Variants in LSM6 observed in about 807,000 individuals in gnomAD.
The protein encoded by LSM6 is U6 snRNA-associated Sm-like protein LSm6.
LSM6 carries 2 observed loss-of-function variants against 13.5 expected under a neutral mutation model. The ratio of observed to expected loss-of-function variants is 0.15; its 90% CI spans 0.06 to 0.47. LSM6 has a LOEUF of 0.47. LSM6 is among the 20% of genes least tolerant of loss of function. The pLI is 0.97. For synonymous variants in LSM6, 43 were observed against 34.9 expected, an observed-to-expected ratio of 1.23 and a Z score of -0.82; for missense variants, 58 against 96.4, an observed-to-expected ratio of 0.60 and a Z score of 1.67.
At chr4:146,186,888 C>T (rs1730361416) in intron 2 of LSM6, among the ~76,000 whole-genome samples, 1 of 152,176 alleles carries the variant, frequency 6.6e-6, no homozygotes, top group South Asian at 2.1e-4. Flanking sequence ...TAGGAAATGC[C>T]ACTGGAACCA....
intron 1 of LSM6, among the ~76,000 whole-genome samples, chr4:146,178,502 G>A (rs6537401): frequency 0.24 from 36,340 of 152,110 alleles, 5,311 homozygotes; most frequent in Middle Eastern, 0.35. Flanking sequence ...CTATCTGATC[G>A]CCTCCTCAGA....
chr4:146,183,005 G>A lies in LSM6; in HGVS notation c.84G>A (p.Val28=). 6.2e-7 allele frequency: 1 copy of A among 1,605,038 alleles called. No individual in the cohort carries two copies. The highest frequency in any genetic ancestry group is 2.2e-5 in the East Asian group (1 of 44,792). The change falls in exon 2 of 4, where the codon GTG becomes GTA. Residue 28 remains valine, a synonymous_variant. Transcript: ENST00000296581. ...RPVVVKLNSG[V]DYRGVLACLD... ...TTGTGGTAAAATTAAATTCTGGAGT[G>A]GATTATCGAGGTAATATTTTCATGT... is the stretch of plus-strand genomic sequence containing the variant.
At chr4:146,185,768 A>T (rs1730335764) in intron 2 of LSM6, among the ~76,000 whole-genome samples, 1 of 148,418 alleles carries the variant, frequency 6.7e-6, no homozygotes, top group African/African-American at 2.5e-5. Flanking sequence ...ACCGAGTCTC[A>T]CTCTTTCGCC....
intron 2 of LSM6, 96 bp downstream of exon 2, chr4:146,183,111 A>G (rs919483): frequency 0.27 from 210,908 of 794,432 alleles, 31,141 homozygotes; most frequent in Non-Finnish European, 0.31. Flanking sequence ...CAATAGGCCA[A>G]AAAAGTACTG....
intron 2 of LSM6, among the ~76,000 whole-genome samples, chr4:146,186,237 A>T (rs6847511): frequency 0.019 from 2,841 of 152,270 alleles, 104 homozygotes; most frequent in African/African-American, 0.066. Flanking sequence ...TTGAGAGTTT[A>T]CCGCTTTTAG....
intron 3 of LSM6, among the ~76,000 whole-genome samples, chr4:146,188,401 TG>T (rs1033055264): frequency 1.3e-5 from 2 of 150,036 alleles, no homozygotes; most frequent in Non-Finnish European, 3.0e-5. Flanking sequence ...CCCTAGGACT[TG>T]GGGGGCAGGG....
rs1163812023 is a variant in LSM6 at position 146,191,370 on chromosome 4, A to T, written c.*1714A>T. 1.3e-5 allele frequency: 2 copies of T among 152,058 alleles called. No individual in the cohort carries two copies. The highest frequency in any genetic ancestry group is 2.9e-5 in the Non-Finnish European group (2 of 68,020). The allele number at this position is 152,058 out of a possible 1,614,324, so 9.4% of individuals were successfully genotyped here. A position where few individuals can be genotyped will look rare whatever the true frequency, so the allele number is the denominator to read the frequency against. Reference sequence around the variant, plus strand: ...CCTGTTTTTTCTAACTTCTTCCCTGACCTCGCCTTTGATATATAAGTCTTT... The same window carrying T: ...CCTGTTTTTTCTAACTTCTTCCCTGTCCTCGCCTTTGATATATAAGTCTTT... On this transcript the variant is annotated 3_prime_UTR_variant, in exon 4 of 4. Coordinates refer to ENST00000296581, the MANE Select transcript of LSM6 (RefSeq NM_007080.3).
chr4:146,187,227 C>A, intron 2 of LSM6, 47 bp from the exon 3 acceptor site: 1 of 1,059,988 alleles, frequency 9.4e-7, no homozygotes, highest in Non-Finnish European at 1.5e-6. Context: ...TAATTTTCAA[C>A]TCTTATTTGC....
At chr4:146,181,818 A>T (rs1008792879) in intron 1 of LSM6, among the ~76,000 whole-genome samples, 3 of 152,204 alleles carry the variant, frequency 2.0e-5, no homozygotes, top group Non-Finnish European at 4.4e-5. Context: ...GCTTAACTAC[A>T]GTTTTATTAA....
intron 3 of LSM6, 41 bp downstream of exon 3, chr4:146,187,428 C>A: frequency 2.4e-6 from 3 of 1,251,982 alleles, no homozygotes; most frequent in Non-Finnish European, 3.5e-6. Context: ...TCAAAATAAG[C>A]CTTTCTATTT....
At chr4:146,184,602 C>T (rs1411377332) in intron 2 of LSM6, among the ~76,000 whole-genome samples, 2 of 152,036 alleles carry the variant, frequency 1.3e-5, no homozygotes, top group Admixed American at 1.3e-4. Flanking sequence ...ATGATGGGCC[C>T]ATAGGAAGTA....
chr4:146,183,972 G>C (rs1373422880), intron 2 of LSM6, among the ~76,000 whole-genome samples: 1 of 151,262 alleles, frequency 6.6e-6, no homozygotes. Context: ...TCTAGACTGG[G>C]TAATTTTCAA....
At chr4:146,178,166 A>C (rs990010829) in intron 1 of LSM6, among the ~76,000 whole-genome samples, 1 of 152,326 alleles carries the variant, frequency 6.6e-6, no homozygotes, top group Middle Eastern at 3.4e-3. Flanking sequence ...TTTGCTTGGC[A>C]CTGGCCTTGA....
intron 2 of LSM6, among the ~76,000 whole-genome samples, chr4:146,184,764 G>A (rs1730308743): frequency 6.6e-6 from 1 of 151,990 alleles, no homozygotes; most frequent in African/African-American, 2.4e-5. Context: ...ATTTATAAAG[G>A]CAATACATGT....
intron 1 of LSM6, among the ~76,000 whole-genome samples, chr4:146,179,972 CTG>C (rs1730196528): frequency 6.6e-6 from 1 of 152,276 alleles, no homozygotes. Flanking sequence ...AGCCTCAACT[CTG>C]TGCTCCCTGT....
chr4:146,187,942 AAAGTCATATT>A (rs1730384405), intron 3 of LSM6, among the ~76,000 whole-genome samples: 4 of 152,220 alleles, frequency 2.6e-5, no homozygotes, highest in Admixed American at 1.3e-4. Flanking sequence ...AAATTATAAT[AAAGTCATATT>A]TGTATTTTTG....
At chr4:146,189,204 G>C (rs980572531) in intron 3 of LSM6, among the ~76,000 whole-genome samples, 1 of 152,046 alleles carries the variant, frequency 6.6e-6, no homozygotes, top group African/African-American at 2.4e-5. Flanking sequence ...TGTTGCCCAG[G>C]CTGGTCTCAA....
rs1448318276 is a variant in LSM6 at position 146,189,507 on chromosome 4, T to A, written c.209-115T>A. The A allele has an allele frequency of 1.3e-5, 9 of 671,608 alleles. No homozygotes were observed. The East Asian group carries it at 2.2e-4, about 17-fold the overall frequency. 41.6% of individuals were successfully genotyped at this position (671,608 alleles called of 1,614,324 possible). A position where few individuals can be genotyped will look rare whatever the true frequency, so the allele number is the denominator to read the frequency against. On this transcript the variant is annotated intron_variant, in intron 3 of 3. Coordinates refer to ENST00000296581, the MANE Select transcript of LSM6 (RefSeq NM_007080.3). ...AGAGTTAATTGAATGATACGAGAATTCCTTTTAAATGTCAGATGTATCAGA... is the reference window on the plus strand; with the variant it reads ...AGAGTTAATTGAATGATACGAGAATACCTTTTAAATGTCAGATGTATCAGA...
intron 2 of LSM6, among the ~76,000 whole-genome samples, chr4:146,184,748 T>G (rs1431391790): frequency 1.1e-4 from 17 of 152,176 alleles, no homozygotes; most frequent in Admixed American, 1.1e-3. Flanking sequence ...TAGGGAAAAT[T>G]TTTCTATTTA....
Sources: gnomAD v4.1 joint callset for allele counts (sites outside exome capture counted in the v4.1 genomes callset) on GRCh38, gnomAD v4.1.1 for gene constraint, MANE v1.5 for transcripts, NCBI Gene and HGNC (gene_info 2026-07-23, HGNC 2026-07-21) for gene names.